Variants in ANO2 observed in about 807,000 individuals in gnomAD.
ANO2 encodes anoctamin 2.
ANO2 carries 101 observed loss-of-function variants against 124.2 expected under a neutral mutation model. That is an observed-to-expected ratio of 0.81 (90% CI 0.69 to 0.96). The LOEUF is 0.96. ANO2 is among the 40% of genes least tolerant of loss of function. The pLI is 0.00. For missense variants in ANO2, 1,293 were observed against 1,274.5 expected (o/e 1.01, Z -0.22); for synonymous variants, 486 against 482.5 (o/e 1.01, Z -0.09).
At chr12:5,569,698 G>C (rs1591639997) in intron 23 of ANO2, among the ~76,000 whole-genome samples, 1 of 152,124 alleles carries the variant, frequency 6.6e-6, no homozygotes, top group East Asian at 1.9e-4. Flanking sequence ...CTCAATCCCA[G>C]CCAGGAGTGA....
chr12:5,851,555 A>G (rs1183761713), intron 4 of ANO2, among the ~76,000 whole-genome samples: 1 of 151,890 alleles, frequency 6.6e-6, no homozygotes, highest in Admixed American at 6.6e-5. Context: ...CATGGTGATG[A>G]GCACCTGTAA....
At chr12:5,639,020 C>T (rs1240681661) in intron 15 of ANO2, among the ~76,000 whole-genome samples, 1 of 152,132 alleles carries the variant, frequency 6.6e-6, no homozygotes, top group Non-Finnish European at 1.5e-5. Flanking sequence ...GAGTCACAGG[C>T]CTCCGTTCAC....
chr12:5,674,527 T>G (rs1316597137), intron 14 of ANO2, among the ~76,000 whole-genome samples: 1 of 152,216 alleles, frequency 6.6e-6, no homozygotes, highest in African/African-American at 2.4e-5. Context: ...AGAAAGTGGC[T>G]GGCACGTGGC....
At chr12:5,637,865 C>T (rs1391706034) in intron 15 of ANO2, among the ~76,000 whole-genome samples, 1 of 152,138 alleles carries the variant, frequency 6.6e-6, no homozygotes, top group East Asian at 1.9e-4. Flanking sequence ...TCAAGATTCA[C>T]AGAGCTTTCG....
intron 14 of ANO2, among the ~76,000 whole-genome samples, chr12:5,721,204 C>T (rs974093814): frequency 3.3e-5 from 5 of 152,132 alleles, no homozygotes; most frequent in African/African-American, 9.7e-5. Flanking sequence ...CACATACACA[C>T]GTGTGCACAA....
intron 3 of ANO2, among the ~76,000 whole-genome samples, chr12:5,889,042 G>A (rs1305666842): frequency 6.6e-6 from 1 of 152,240 alleles, no homozygotes; most frequent in African/African-American, 2.4e-5. Flanking sequence ...GCCCCGTGGG[G>A]AGGCAGCTAA....
At chr12:5,582,988 A>C (rs1185095144) in intron 20 of ANO2, among the ~76,000 whole-genome samples, 3 of 152,076 alleles carry the variant, frequency 2.0e-5, no homozygotes, top group African/African-American at 4.8e-5. Flanking sequence ...CTCTCTGTTT[A>C]TTTGACCTGC....
At chr12:5,681,563 A>T (rs1271999171) in intron 14 of ANO2, among the ~76,000 whole-genome samples, 1 of 152,208 alleles carries the variant, frequency 6.6e-6, no homozygotes, top group Non-Finnish European at 1.5e-5. Context: ...TTTCCCACTC[A>T]CATCCCTGGG....
intron 14 of ANO2, among the ~76,000 whole-genome samples, chr12:5,714,675 C>T (rs1949949988): frequency 2.0e-5 from 3 of 152,330 alleles, no homozygotes; most frequent in Middle Eastern, 6.8e-3. Flanking sequence ...CCTCCTTCTT[C>T]TTCCTCCTCT....
intron 10 of ANO2, among the ~76,000 whole-genome samples, chr12:5,774,009 T>C (rs1167862480): frequency 6.6e-6 from 1 of 152,230 alleles, no homozygotes; most frequent in African/African-American, 2.4e-5. Flanking sequence ...GATGAATTAC[T>C]GTGGCCTTCT....
chr12:5,793,638 G>A (rs1002006218), intron 10 of ANO2, among the ~76,000 whole-genome samples: 3 of 152,232 alleles, frequency 2.0e-5, no homozygotes, highest in Non-Finnish European at 2.9e-5. Flanking sequence ...AACTTGTGGA[G>A]CCTCTTGGTG....
intron 11 of ANO2, among the ~76,000 whole-genome samples, chr12:5,745,580 C>T (rs1364978775): frequency 6.6e-6 from 1 of 152,180 alleles, no homozygotes; most frequent in African/African-American, 2.4e-5. Flanking sequence ...TCTCTTTCCC[C>T]CTTCATTAAG....
intron 12 of ANO2, among the ~76,000 whole-genome samples, chr12:5,742,889 A>C (rs1181113015): frequency 6.6e-6 from 1 of 151,936 alleles, no homozygotes; most frequent in Non-Finnish European, 1.5e-5. Context: ...CCTGCCTGTG[A>C]ACAGTCCCAG....
chr12:5,714,216 A>G (rs1949929798), intron 14 of ANO2, among the ~76,000 whole-genome samples: 1 of 152,220 alleles, frequency 6.6e-6, no homozygotes, highest in African/African-American at 2.4e-5. Context: ...TTTTAGCCAA[A>G]TTCACATTAG....
At chr12:5,661,305 AC>A (rs1265806003) in intron 14 of ANO2, among the ~76,000 whole-genome samples, 4 of 152,310 alleles carry the variant, frequency 2.6e-5, no homozygotes, top group African/African-American at 9.6e-5. Flanking sequence ...AGACTGGAGA[AC>A]GGAACCTTAG....
intron 15 of ANO2, among the ~76,000 whole-genome samples, chr12:5,637,521 G>C (rs1272125000): frequency 7.2e-6 from 1 of 139,178 alleles, no homozygotes; most frequent in Non-Finnish European, 1.6e-5. Context: ...CTAAACTAGA[G>C]AAGGAAGAAC....
Position 5,904,620 on chromosome 12 carries a change from G to A in ANO2, c.534+16420C>T, listed in dbSNP as rs1025038793. On this transcript the variant is annotated intron_variant, in intron 3 of 24. Transcript: ENST00000682330. The surrounding 1 kb of genome is among the most constrained non-coding windows in gnomAD (Gnocchi z 4.1). ...CCTGCCAGAGCCCCAGGTGACCCTG[G>A]TACCACACGGCCCCGACATGCCACA... 6.6e-6 allele frequency among the ~76,000 whole-genome samples: 1 copy of A among 152,148 alleles called. No individual in the cohort carries two copies. Among genetic ancestry groups the A allele is most frequent in the Non-Finnish European group, 1.5e-5 (1 of 68,026 alleles).
chr12:5,827,793 A>G lies in ANO2; in HGVS notation c.868T>C (p.Cys290Arg). 1 of 1,611,818 alleles carries G rather than the reference A, an allele frequency of 6.2e-7. No individual in the cohort carries two copies. The change falls in exon 7 of 25, where the codon TGC (cysteine) becomes CGC (arginine). Residue 290 changes from cysteine (C) to arginine (R), a missense_variant. Coordinates refer to ENST00000682330, the MANE Select transcript of ANO2 (RefSeq NM_001364791.2). ...IVHEILKRTA[C>R]SRANNTMGIN... ...CCCATCGTGTTGTTGGCTCGGGAGC[A>G]GGCTGTGCGCTTCAGGATCTCGTGC...
chr12:5,838,758 G>T lies in ANO2; in HGVS notation c.634-6155C>A, dbSNP rs531997755. Among the ~76,000 whole-genome samples the T allele has an allele frequency of 5.9e-5, 9 of 152,216 alleles. No individual in the cohort carries two copies. The South Asian group carries it at 1.9e-3, about 32-fold the overall frequency. Reference sequence around the variant, plus strand: ...AAATACATTGTGGTTTGCTTTCCTTGACTTAAGCATCTGTCTCAAATTCTC... The same window carrying T: ...AAATACATTGTGGTTTGCTTTCCTTTACTTAAGCATCTGTCTCAAATTCTC... On this transcript the variant is annotated intron_variant, in intron 4 of 24. Coordinates refer to ENST00000682330, the MANE Select transcript of ANO2 (RefSeq NM_001364791.2).
Sources: gnomAD v4.1 joint callset for allele counts (sites outside exome capture counted in the v4.1 genomes callset) on GRCh38, gnomAD v4.1.1 for gene constraint, Gnocchi (gnomAD v3.1) non-coding constraint, MANE v1.5 for transcripts, NCBI Gene and HGNC (gene_info 2026-07-23, HGNC 2026-07-21) for gene names.